Variants in COL1A1 observed in about 807,000 individuals in gnomAD.
The protein encoded by COL1A1 is collagen type I alpha 1 chain.
A neutral mutation model predicts 195.7 loss-of-function variants in COL1A1; 21 were observed. That is an observed-to-expected ratio of 0.11 (90% confidence interval 0.08 to 0.15). The LOEUF (loss-of-function observed/expected upper bound fraction) is 0.15. Ranked by LOEUF, COL1A1 falls within the 10% of genes least tolerant of loss-of-function variation. The pLI, the probability that COL1A1 is intolerant of heterozygous loss-of-function variation, is 1.00. For synonymous variants in COL1A1, 749 were observed against 747.3 expected (o/e 1.00, Z -0.04); for missense variants, 1,365 against 2,051.0 (o/e 0.67, Z 6.46).
chr17:50,190,872 C>T lies in COL1A1; in HGVS notation c.2288G>A (p.Arg763His), dbSNP rs144820445. ...ADGSPGKDGVRGLTGPIGPPG... is the reference protein window; with the variant it reads ...ADGSPGKDGVHGLTGPIGPPG... ...AGGACCAATGGGGCCAGTCAGACCA[C>T]GGACGCCATCTTTGCCAGGAGAGCC... Residue 763 changes from arginine to histidine, a missense_variant, in exon 33 of 51, where the codon CGT becomes CAT. Arg to His is a conservative substitution (Grantham distance 29). This residue lies in a region of COL1A1 where 671 missense variants were observed against 1,099.9 expected (regional missense o/e 0.61). Coordinates refer to ENST00000225964, the MANE Select transcript of COL1A1 (RefSeq NM_000088.4). The surrounding 1 kb of genome is among the most constrained non-coding windows in gnomAD (Gnocchi z 4.7). The T allele has an allele frequency of 1.4e-5, 22 of 1,613,758 alleles. No homozygotes were observed. Among genetic ancestry groups the T allele is most frequent in the African/African-American group, 1.1e-4 (8 of 74,872 alleles).
chr17:50,194,683 T>G lies in COL1A1; in HGVS notation c.1461+38A>C, dbSNP rs1460230523. 3.2e-6 allele frequency: 5 copies of G among 1,557,770 alleles called. No homozygotes were observed. The East Asian group carries it at 9.7e-5, about 30-fold the overall frequency. On this transcript the variant is annotated intron_variant, in intron 21 of 50. Transcript: ENST00000225964. This position sits in a 1 kb window ranked among gnomAD's most constrained non-coding sequence, Gnocchi z 6.8. ...CGACACACAGGCACCAGCCAGGCAA[T>G]GAGGGTGGAGCGGGAGGGGGCGGGC...
In COL1A1 at chr17:50,184,475, C is replaced by CAA. The variant is rs58879635; in HGVS notation, c.*1025_*1026dup. On this transcript the variant is annotated 3_prime_UTR_variant, in exon 51 of 51. Transcript: ENST00000225964. ...AGAAAAATTCACAAGTCCCCATCCA[C>CAA]AAAAAAAAAAAAAAAAAAAGAAAAA... The CAA allele has an allele frequency of 4.8e-3, 579 of 121,444 alleles. 1 individual carries two copies. The highest frequency in any genetic ancestry group is 5.5e-3 in the Non-Finnish European group (353 of 63,838). 7.5% of individuals were successfully genotyped at this position (121,444 alleles called of 1,614,324 possible).
chr17:50,201,566 C>A lies in COL1A1; in HGVS notation c.-53G>T. On this transcript the variant is annotated 5_prime_UTR_variant, in exon 1 of 51. It introduces an in-frame stop codon into an upstream open reading frame of the 5' UTR. Coordinates refer to ENST00000225964, the MANE Select transcript of COL1A1 (RefSeq NM_000088.4). ...TGTGGCTGGGGAGGGGGTTAGCGTC[C>A]GCTCATGCGTGGCCTCACACTCCGC... 1.3e-6 allele frequency: 2 copies of A among 1,518,922 alleles called. No homozygotes were observed. Among genetic ancestry groups the A allele is most frequent in the Non-Finnish European group, 8.9e-7 (1 of 1,120,614 alleles). 94.1% of individuals were successfully genotyped at this position (1,518,922 alleles called of 1,614,324 possible).
At position 50,186,190 on chromosome 17, in the gene COL1A1, G is replaced by C. The variant is rs376546326; in HGVS notation, c.4005+127C>G. On this transcript the variant is annotated intron_variant, in intron 49 of 50. Transcript: ENST00000225964. This position sits in a 1 kb window ranked among gnomAD's most constrained non-coding sequence, Gnocchi z 5.3. The stretch of plus-strand genomic sequence containing the variant: ...GTCTGAACCACTATCAGGGACCTGA[G>C]ACCCCTGCCTCCCAGCCCAGCTCTG... The C allele has an allele frequency of 6.1e-5, 93 of 1,514,948 alleles. No individual in the cohort carries two copies. The African/African-American group carries it at 8.1e-4, about 13-fold the overall frequency. 93.8% of individuals were successfully genotyped at this position (1,514,948 alleles called of 1,614,324 possible). A position where few individuals can be genotyped will look rare whatever the true frequency, so the allele number is the denominator to read the frequency against.
intron 32 of COL1A1, 131 bp from the exon 33 acceptor site, chr17:50,191,055 A>C (rs1907031154): frequency 8.9e-6 from 8 of 900,622 alleles, no homozygotes; most frequent in Non-Finnish European, 1.1e-5. Context: ...CAAGGACTCA[A>C]AGATTCTTTC....
intron 6 of COL1A1, 98 bp from the exon 7 acceptor site, chr17:50,198,303 C>T (rs1460392555): frequency 6.4e-7 from 1 of 1,558,442 alleles, no homozygotes; most frequent in African/African-American, 1.4e-5. Context: ...AGTCGTCCTG[C>T]ATCCTTTCTG....
In COL1A1 at chr17:50,189,458, A is replaced by G; in HGVS notation, c.2748T>C (p.Ala916=). 1.2e-6 allele frequency: 2 copies of G among 1,613,844 alleles called. No homozygotes were observed. The highest frequency in any genetic ancestry group is 1.7e-6 in the Non-Finnish European group (2 of 1,179,946). The change falls in exon 39 of 51, where the codon GCT becomes GCC. Residue 916 remains alanine, a synonymous_variant. Transcript: ENST00000225964. The surrounding 1 kb of genome is among the most constrained non-coding windows in gnomAD (Gnocchi z 5.5). The part of the protein sequence containing the change: ...GKGPRGETGP[A]GRPGEVGPPG... ...GGGGACCAACTTCACCAGGACGTCC[A>G]GCAGGGCCAGTCTCACCACGGGGAC...
At position 50,184,496 on chromosome 17, in the gene COL1A1, A is replaced by G. The variant is rs1203544525; in HGVS notation, c.*1006T>C. On this transcript the variant is annotated 3_prime_UTR_variant, in exon 51 of 51. Coordinates refer to ENST00000225964, the MANE Select transcript of COL1A1 (RefSeq NM_000088.4). ...TCCACAAAAAAAAAAAAAAAAAAAG[A>G]AAAATATCAAGGAATAAAAATAGAC... 4.4e-6 allele frequency: 1 copy of G among 229,520 alleles called. No homozygotes were observed. The highest frequency in any genetic ancestry group is 8.6e-6 in the Non-Finnish European group (1 of 116,056). The allele number at this position is 229,520 out of a possible 1,614,324, so 14.2% of individuals were successfully genotyped here.
rs1207643613 is a variant in COL1A1 at position 50,186,495 on chromosome 17, A to G, written c.3827T>C (p.Ile1276Thr). The change falls in exon 49 of 51, where the codon ATT (isoleucine) becomes ACT (threonine). Residue 1276 changes from isoleucine (I) to threonine (T), a missense_variant. Coordinates refer to ENST00000225964, the MANE Select transcript of COL1A1 (RefSeq NM_000088.4). This position sits in a 1 kb window ranked among gnomAD's most constrained non-coding sequence, Gnocchi z 5.3. ...CAGGTTGCAGCCTTGGTTGGGGTCAATCCAGTACTCTCCTGTGGTAGGGCA... is the reference window on the plus strand; with the variant it reads ...CAGGTTGCAGCCTTGGTTGGGGTCAGTCCAGTACTCTCCTGTGGTAGGGCA... ...HSDWKSGEYW[I>T]DPNQGCNLDA... 2 of 1,614,006 alleles carry G rather than the reference A, an allele frequency of 1.2e-6. No homozygotes were observed. The highest frequency in any genetic ancestry group is 1.7e-6 in the Non-Finnish European group (2 of 1,180,028).
intron 45 of COL1A1, 98 bp from the exon 46 acceptor site, chr17:50,187,635 C>A (rs988444307): frequency 5.3e-6 from 7 of 1,312,404 alleles, no homozygotes; most frequent in Non-Finnish European, 7.7e-6. Context: ...GCAACCCATG[C>A]CCCTTCATTA....
At position 50,192,029 on chromosome 17, in the gene COL1A1, G is replaced by A. The variant is rs66592376; in HGVS notation, c.1984-5C>T. 9 of 1,611,936 alleles carry A rather than the reference G, an allele frequency of 5.6e-6. No homozygotes were observed. The highest frequency in any genetic ancestry group is 2.7e-5 in the African/African-American group (2 of 74,884). On this transcript the variant is annotated splice_polypyrimidine_tract_variant and splice_region_variant and intron_variant, in intron 29 of 50. Coordinates refer to ENST00000225964, the MANE Select transcript of COL1A1 (RefSeq NM_000088.4). ...GCCAAGGTCTCCAGGAACACCCTGAGGGGGAGGGAGAGAGGAACAGACAGT... is the reference window on the plus strand; with the variant it reads ...GCCAAGGTCTCCAGGAACACCCTGAAGGGGAGGGAGAGAGGAACAGACAGT...
intron 32 of COL1A1, 124 bp downstream of exon 32, chr17:50,191,259 G>T (rs760942558): frequency 2.1e-6 from 2 of 953,330 alleles, no homozygotes; most frequent in East Asian, 2.4e-5. Flanking sequence ...AGGGGAAAGG[G>T]GAAGAAGGGA....
Position 50,195,563 on chromosome 17 carries a change from T to G in COL1A1, c.1155+4A>C. On this transcript the variant is annotated splice_donor_region_variant and intron_variant, in intron 17 of 50. Transcript: ENST00000225964. This position sits in a 1 kb window ranked among gnomAD's most constrained non-coding sequence, Gnocchi z 4.3. Reference sequence around the variant, plus strand: ...AAAGGGGACACTGAGTCGGGGACACTTACAGCAGGGCCAGCAGCACCAGCA... The same window carrying G: ...AAAGGGGACACTGAGTCGGGGACACGTACAGCAGGGCCAGCAGCACCAGCA... The G allele has an allele frequency of 6.2e-7, 1 of 1,613,882 alleles. No homozygotes were observed. Among genetic ancestry groups the G allele is most frequent in the Non-Finnish European group, 8.5e-7 (1 of 1,179,930 alleles).
Position 50,186,865 on chromosome 17 carries a change from C to G in COL1A1, c.3589G>C (p.Asp1197His), listed in dbSNP as rs1256881911. The G allele has an allele frequency of 3.7e-6, 6 of 1,614,016 alleles. No homozygotes were observed. Among genetic ancestry groups the G allele is most frequent in the Non-Finnish European group, 4.2e-6 (5 of 1,180,022 alleles). The change falls in exon 48 of 51, where the codon GAC (aspartate) becomes CAC (histidine). Residue 1197 changes from aspartate (D) to histidine (H), a missense_variant. Physicochemically the swap from Asp to His is moderately conservative, Grantham distance 81 (BLOSUM62 -1). Around this residue, in one of 5 missense-constraint regions of COL1A1, gnomAD observed 671 missense variants for 1,099.9 expected, o/e 0.61. Coordinates refer to ENST00000225964, the MANE Select transcript of COL1A1 (RefSeq NM_000088.4). This position sits in a 1 kb window ranked among gnomAD's most constrained non-coding sequence, Gnocchi z 5.3. ...GGTGGCTGGGGCAGGAAGCTGAAGTCGAAACCAGCGCTGGGAGGACCAGGG... is the reference window on the plus strand; with the variant it reads ...GGTGGCTGGGGCAGGAAGCTGAAGTGGAAACCAGCGCTGGGAGGACCAGGG... ...GPPGPPSAGFDFSFLPQPPQE... is the reference protein window; with the variant it reads ...GPPGPPSAGFHFSFLPQPPQE...
At position 50,188,033 on chromosome 17, in the gene COL1A1, G is replaced by C; in HGVS notation, c.3262-50C>G. On this transcript the variant is annotated intron_variant, in intron 44 of 50. Transcript: ENST00000225964. This position sits in a 1 kb window ranked among gnomAD's most constrained non-coding sequence, Gnocchi z 5.6. ...GTCAGGCGGAAGTTCCATTGGCATC[G>C]AGTGGGGCACTGTCTGCATCTGTAG... 3 of 1,613,244 alleles carry C rather than the reference G, an allele frequency of 1.9e-6. No individual in the cohort carries two copies. Among genetic ancestry groups the C allele is most frequent in the Non-Finnish European group, 2.5e-6 (3 of 1,179,252 alleles).
In COL1A1 at chr17:50,184,642, C is replaced by G; in HGVS notation, c.*860G>C. The G allele has an allele frequency of 4.3e-6, 1 of 231,566 alleles. No individual in the cohort carries two copies. Among genetic ancestry groups the G allele is most frequent in the Non-Finnish European group, 8.6e-6 (1 of 116,958 alleles). 14.3% of individuals were successfully genotyped at this position (231,566 alleles called of 1,614,324 possible). A position where few individuals can be genotyped will look rare whatever the true frequency, so the allele number is the denominator to read the frequency against. On this transcript the variant is annotated 3_prime_UTR_variant, in exon 51 of 51. Transcript: ENST00000225964. ...GCACCTTTGGTATAAAATGGGGAGC[C>G]GCTTCCACCCTGCCCCCATCCCCGC...
intron 26 of COL1A1, 44 bp from the exon 27 acceptor site, chr17:50,192,894 G>A (rs372035677): frequency 1.6e-5 from 26 of 1,613,170 alleles, no homozygotes; most frequent in Admixed American, 5.0e-5. Flanking sequence ...AGGAGGCCCC[G>A]AGCAGCTGAG....
intron 27 of COL1A1, 33 bp downstream of exon 27, chr17:50,192,764 T>A (rs1357836904): frequency 6.2e-7 from 1 of 1,613,924 alleles, no homozygotes; most frequent in Non-Finnish European, 8.5e-7. Context: ...TCCCCTTTTC[T>A]GCTCCCCAGA....
Position 50,196,624 on chromosome 17 carries a change from C to G in COL1A1, c.851G>C (p.Gly284Ala), listed in dbSNP as rs72645337. The G allele has an allele frequency of 6.2e-7, 1 of 1,614,106 alleles. No individual in the cohort carries two copies. The highest frequency in any genetic ancestry group is 8.5e-7 in the Non-Finnish European group (1 of 1,179,996). ...DGAKGDAGPAGPKGEPGSPGE... is the reference protein window; with the variant it reads ...DGAKGDAGPAAPKGEPGSPGE... ...GTTCAGACAGCCTCTTACCTTAGGA[C>G]CAGCAGGACCAGCATCTCCCTTGGC... The change falls in exon 12 of 51, where the codon GGT becomes GCT. Residue 284 changes from glycine (G) to alanine (A), a missense_variant. Coordinates refer to ENST00000225964, the MANE Select transcript of COL1A1 (RefSeq NM_000088.4).
Sources: allele counts gnomAD v4.1 joint callset, GRCh38; gene constraint gnomAD v4.1.1; regional missense constraint gnomAD v4.1.1; non-coding constraint Gnocchi (gnomAD v3.1); transcripts MANE v1.5; gene names NCBI Gene and HGNC (gene_info 2026-07-23, HGNC 2026-07-21).